SLC12A1: variants seen among roughly 807,000 people sequenced by gnomAD.
The protein encoded by SLC12A1 is Na-K-2Cl cotransporter.
In SLC12A1, 89 loss-of-function variants were observed where a neutral mutation model predicts 130.4. That is an observed-to-expected ratio of 0.68 (90% CI 0.58 to 0.81). SLC12A1 has a LOEUF of 0.81. Ranked by LOEUF, SLC12A1 falls within the 40% of genes least tolerant of loss-of-function variation. SLC12A1 has a pLI of 0.00. For synonymous variants in SLC12A1, 499 were observed against 460.0 expected, an observed-to-expected ratio of 1.08 and a Z score of -1.09; for missense variants, 1,310 against 1,336.4, an observed-to-expected ratio of 0.98 and a Z score of 0.31.
At chr15:48,210,954 T>C (rs1231474065) in intron 2 of SLC12A1, among the ~76,000 whole-genome samples, 1 of 152,176 alleles carries the variant, frequency 6.6e-6, no homozygotes, top group Non-Finnish European at 1.5e-5. Flanking sequence ...GTTTGGAATA[T>C]TGTATCACTT....
chr15:48,291,905 C>A, intron 24 of SLC12A1, 41 bp downstream of exon 24: 1 of 1,167,702 alleles, frequency 8.6e-7, no homozygotes, highest in Non-Finnish European at 1.2e-6. Context: ...ACCCATGGTA[C>A]TCTCTCATTC....
chr15:48,221,366 A>G, intron 4 of SLC12A1: 1 of 701,834 alleles, frequency 1.4e-6, no homozygotes, highest in Non-Finnish European at 2.6e-6. Flanking sequence ...GATTGGTAAA[A>G]CTTCACTGAA....
rs189719754 is a variant in SLC12A1 at position 48,211,804 on chromosome 15, A to G, written c.420+3665A>G. On this transcript the variant is annotated intron_variant, in intron 2 of 26. Transcript: ENST00000380993. The stretch of plus-strand genomic sequence containing the variant: ...GTAAAATAAAAAACAGGTTTGAAAG[A>G]CATTATTTTAAGGCTCTACCTTAAA... Among the ~76,000 whole-genome samples the G allele has an allele frequency of 1.1e-4, 17 of 152,338 alleles. No individual in the cohort carries two copies. The East Asian group carries it at 3.3e-3, about 29-fold the overall frequency.
intron 18 of SLC12A1, 48 bp downstream of exon 18, chr15:48,267,749 G>A: frequency 6.2e-7 from 1 of 1,601,514 alleles, no homozygotes; most frequent in South Asian, 1.1e-5. Flanking sequence ...GACAATTAGT[G>A]CTCCATGTTA....
intron 10 of SLC12A1, among the ~76,000 whole-genome samples, chr15:48,243,249 G>A (rs2041538713): frequency 6.6e-6 from 1 of 152,016 alleles, no homozygotes; most frequent in African/African-American, 2.4e-5. Flanking sequence ...AGTTTGACTT[G>A]GTAATTGACA....
chr15:48,245,051 A>AT, intron 11 of SLC12A1, 147 bp downstream of exon 11: 1 of 773,894 alleles, frequency 1.3e-6, no homozygotes, highest in Non-Finnish European at 2.1e-6. Context: ...GAAAGGAGTC[A>AT]TACAGTCATT....
intron 25 of SLC12A1, among the ~76,000 whole-genome samples, chr15:48,300,896 G>T (rs1290662926): frequency 6.6e-6 from 1 of 152,210 alleles, no homozygotes; most frequent in East Asian, 1.9e-4. Flanking sequence ...GATTCAATCG[G>T]TTTCTTTTTT....
intron 8 of SLC12A1, 61 bp downstream of exon 8, chr15:48,232,899 A>C: frequency 1.0e-6 from 1 of 1,003,900 alleles, no homozygotes; most frequent in Non-Finnish European, 1.6e-6. Context: ...CCTCATCACC[A>C]TCCCCATCAA....
chr15:48,293,445 C>T (rs1421040036), intron 24 of SLC12A1, among the ~76,000 whole-genome samples: 1 of 152,150 alleles, frequency 6.6e-6, no homozygotes, highest in African/African-American at 2.4e-5. Context: ...AGGAATCATA[C>T]AGAGGGATGT....
intron 11 of SLC12A1, 99 bp downstream of exon 11, chr15:48,245,003 C>A: frequency 9.1e-7 from 1 of 1,100,290 alleles, no homozygotes; most frequent in Non-Finnish European, 1.3e-6. Flanking sequence ...TGATTATTGG[C>A]TGATAAGAAT....
chr15:48,226,534 A>G lies in SLC12A1; in HGVS notation c.687A>G (p.Ser229=), dbSNP rs1306276805. ...TGGTAACTTCTATTACTGGGTTGTC[A>G]ACTTCTGCGATAGCAACTAACGGGT... The part of the protein sequence containing the change: ...STMVTSITGL[S]TSAIATNGFV... Residue 229 remains serine, a synonymous_variant, in exon 5 of 27, where the codon TCA becomes TCG. Coordinates refer to ENST00000380993, the MANE Select transcript of SLC12A1 (RefSeq NM_000338.3). The G allele has an allele frequency of 2.5e-6, 4 of 1,610,138 alleles. No homozygotes were observed. Among genetic ancestry groups the G allele is most frequent in the Middle Eastern group, 1.7e-4 (1 of 6,052 alleles).
chr15:48,261,988 T>A (rs2041779696), intron 17 of SLC12A1, among the ~76,000 whole-genome samples: 1 of 152,210 alleles, frequency 6.6e-6, no homozygotes, highest in African/African-American at 2.4e-5. Context: ...GAGTATGGTG[T>A]CCCTCAAAGA....
chr15:48,272,457 C>T (rs866627176), intron 19 of SLC12A1, among the ~76,000 whole-genome samples: 2 of 146,732 alleles, frequency 1.4e-5, no homozygotes, highest in Non-Finnish European at 3.0e-5. Flanking sequence ...GACAGAGTCT[C>T]GCTCTGTTGC....
chr15:48,239,203 A>G (rs1373408283), intron 9 of SLC12A1, among the ~76,000 whole-genome samples: 1 of 152,086 alleles, frequency 6.6e-6, no homozygotes. Flanking sequence ...TGGCATCCAG[A>G]TTTCTATGTT....
chr15:48,288,346 C>G, intron 22 of SLC12A1, 59 bp from the exon 23 acceptor site: 1 of 1,078,696 alleles, frequency 9.3e-7, no homozygotes, highest in Non-Finnish European at 1.4e-6. Context: ...AGATATAAAG[C>G]TATTCATTTC....
intron 2 of SLC12A1, among the ~76,000 whole-genome samples, chr15:48,216,403 T>C (rs2041122020): frequency 6.6e-6 from 1 of 152,220 alleles, no homozygotes; most frequent in Non-Finnish European, 1.5e-5. Context: ...CAGTCTTGGA[T>C]ATTCTCATCA....
chr15:48,220,128 A>ATGGT (rs2041185679), intron 2 of SLC12A1, among the ~76,000 whole-genome samples: 2 of 44,536 alleles, frequency 4.5e-5, no homozygotes, highest in Non-Finnish European at 7.9e-5. Flanking sequence ...AAAAAAAAAA[A>ATGGT]AGGTAGATAG....
intron 15 of SLC12A1, among the ~76,000 whole-genome samples, chr15:48,252,990 T>G (rs1597430521): frequency 6.6e-6 from 1 of 152,144 alleles, no homozygotes; most frequent in Non-Finnish European, 1.5e-5. Flanking sequence ...GGCTAATCAA[T>G]TGGATAAACA....
chr15:48,283,580 C>T (rs1379036233), intron 20 of SLC12A1, among the ~76,000 whole-genome samples: 1 of 152,200 alleles, frequency 6.6e-6, no homozygotes, highest in Non-Finnish European at 1.5e-5. Context: ...TGGAAAGGGG[C>T]CAGACAATTC....
Sources: gnomAD v4.1 joint callset for allele counts (sites outside exome capture counted in the v4.1 genomes callset) on GRCh38, gnomAD v4.1.1 for gene constraint, MANE v1.5 for transcripts, NCBI Gene and HGNC (gene_info 2026-07-23, HGNC 2026-07-21) for gene names.